RELN: variants seen among roughly 807,000 people sequenced by gnomAD.
RELN encodes the protein reelin.
A neutral mutation model predicts 427.6 loss-of-function variants in RELN; 108 were observed. The ratio of observed to expected loss-of-function variants is 0.25; its 90% CI spans 0.22 to 0.30. The LOEUF is 0.30. Ranked by LOEUF, RELN falls within the 10% of genes least tolerant of loss-of-function variation. The probability of loss-of-function intolerance (pLI) is 1.00; values close to 1 mark genes in which losing one functional copy is unlikely to be tolerated. For synonymous variants in RELN, 1,524 were observed against 1,513.4 expected (o/e 1.01, Z -0.16); for missense variants, 3,715 against 4,302.8 (o/e 0.86, Z 3.82).
chr7:103,663,860 C>A (rs1462136164), intron 11 of RELN, among the ~76,000 whole-genome samples: 2 of 152,190 alleles, frequency 1.3e-5, no homozygotes, highest in African/African-American at 4.8e-5. Flanking sequence ...AGGTTTAGAT[C>A]TCTTTTAAAG....
rs114917996 is a variant in RELN, at chr7:103,772,538, A to G, written c.544+4019T>C. On this transcript the variant is annotated intron_variant, in intron 4 of 64. Coordinates refer to ENST00000428762, the MANE Select transcript of RELN (RefSeq NM_005045.4). ...TTAATGTGCCTTGAGAATTCTGTAG[A>G]GAGAGTTATGTATGAGGGTTGTCTA... Among the ~76,000 whole-genome samples the G allele has an allele frequency of 7.5e-3, 1,145 of 152,286 alleles. 12 individuals carry two copies. The highest frequency in any genetic ancestry group is 0.025 in the African/African-American group (1,058 of 41,556).
At chr7:103,561,465 T>G in intron 36 of RELN, 67 bp downstream of exon 36, 1 of 1,175,248 alleles carries the variant, frequency 8.5e-7, no homozygotes. Context: ...CCATTTGTGT[T>G]GAGCAGTGAC....
intron 11 of RELN, among the ~76,000 whole-genome samples, chr7:103,676,302 C>G (rs548612566): frequency 3.9e-4 from 59 of 152,210 alleles, no homozygotes; most frequent in Non-Finnish European, 7.2e-4. Flanking sequence ...CTCATCATCA[C>G]TGGCCATCAG....
chr7:103,559,197 A>T (rs537207054), intron 36 of RELN, among the ~76,000 whole-genome samples: 1 of 152,352 alleles, frequency 6.6e-6, no homozygotes, highest in South Asian at 2.1e-4. Flanking sequence ...TGGTGATGGT[A>T]GGATTTGAAC....
chr7:103,741,577 A>G (rs1379996619), intron 6 of RELN, among the ~76,000 whole-genome samples: 1 of 151,856 alleles, frequency 6.6e-6, no homozygotes, highest in East Asian at 1.9e-4. Flanking sequence ...AGAAGGAAGA[A>G]AAGGAGGGTG....
rs188584289 is a variant in RELN at position 103,620,249 on chromosome 7, G to A, written c.2703-8446C>T. ...GCCTTTTGCCTTCTGCCATGATTGT[G>A]AGGCCTCCTCAGTCACGTGGAACTG... On this transcript the variant is annotated intron_variant, in intron 20 of 64. Transcript: ENST00000428762. This position sits in a 1 kb window ranked among gnomAD's most constrained non-coding sequence, Gnocchi z 4.1. 2.6e-5 allele frequency among the ~76,000 whole-genome samples: 4 copies of A among 152,240 alleles called. No individual in the cohort carries two copies. Among genetic ancestry groups the A allele is most frequent in the Admixed American group, 2.0e-4 (3 of 15,298 alleles).
At chr7:103,526,464 T>G (rs1829824708) in intron 46 of RELN, among the ~76,000 whole-genome samples, 1 of 152,168 alleles carries the variant, frequency 6.6e-6, no homozygotes, top group African/African-American at 2.4e-5. Flanking sequence ...GGGAGTTAAA[T>G]GAGATGATTT....
intron 16 of RELN, among the ~76,000 whole-genome samples, chr7:103,647,536 G>GA (rs34084589): frequency 0.41 from 59,646 of 143,914 alleles, 12,237 homozygotes; most frequent in South Asian, 0.55. Context: ...AAACACTGAT[G>GA]AAAAAAAAAA....
chr7:103,864,276 T>C (rs1794140811), intron 2 of RELN, among the ~76,000 whole-genome samples: 1 of 152,164 alleles, frequency 6.6e-6, no homozygotes, highest in Non-Finnish European at 1.5e-5. Flanking sequence ...AGTTAATAAC[T>C]GTTTTTTTTA....
intron 27 of RELN, 45 bp downstream of exon 27, chr7:103,593,637 T>G: frequency 6.6e-7 from 1 of 1,513,058 alleles, no homozygotes; most frequent in Non-Finnish European, 9.2e-7. Flanking sequence ...CTGGAAGATA[T>G]TTTACTCCTT....
rs961895163 is a variant in RELN at position 103,566,385 on chromosome 7, T to C, written c.4775A>G (p.Asp1592Gly). The C allele has an allele frequency of 6.2e-7, 1 of 1,614,082 alleles. No homozygotes were observed. The highest frequency in any genetic ancestry group is 1.7e-5 in the Admixed American group (1 of 60,010). Residue 1592 changes from aspartate (D) to glycine (G), a missense_variant, in exon 33 of 65, where the codon GAT (aspartate) becomes GGT (glycine). Coordinates refer to ENST00000428762, the MANE Select transcript of RELN (RefSeq NM_005045.4). ...GTCATTCATTCCTATAAGAACATCATCCAAAGCCCACTGGGCTGAATGCTT... is the reference window on the plus strand; with the variant it reads ...GTCATTCATTCCTATAAGAACATCACCCAAAGCCCACTGGGCTGAATGCTT... Reference protein sequence around the residue: ...HGKHSAQWALDDVLIGMNDSS... With the variant: ...HGKHSAQWALGDVLIGMNDSS...
chr7:103,647,769 A>G (rs1832826766), intron 16 of RELN, among the ~76,000 whole-genome samples: 1 of 152,118 alleles, frequency 6.6e-6, no homozygotes, highest in Non-Finnish European at 1.5e-5. Context: ...AAAAGAACAA[A>G]GCTGGAGGCA....
Position 103,604,452 on chromosome 7 carries a change from T to C in RELN, c.3040A>G (p.Ser1014Gly), listed in dbSNP as rs779851248. The C allele has an allele frequency of 1.2e-6, 2 of 1,613,810 alleles. No homozygotes were observed. The highest frequency in any genetic ancestry group is 1.7e-6 in the Non-Finnish European group (2 of 1,179,876). The stretch of plus-strand genomic sequence containing the variant: ...CACTCGTCTTGAGCTGTGTAATAGC[T>C]CTGGCTCCAGCGGAAACGGGTAGCA... ...SSATRFRWSQSYYTAQDEWAL... is the reference protein window; with the variant it reads ...SSATRFRWSQGYYTAQDEWAL... Residue 1014 changes from serine to glycine, a missense_variant, in exon 23 of 65, where the codon AGC (serine) becomes GGC (glycine). Transcript: ENST00000428762.
intron 22 of RELN, among the ~76,000 whole-genome samples, chr7:103,608,782 A>G (rs888934527): frequency 8.5e-5 from 13 of 152,228 alleles, no homozygotes; most frequent in African/African-American, 3.1e-4. Flanking sequence ...CTTTTGAGCT[A>G]GAAAATAATA....
chr7:103,735,285 T>C (rs188805597), intron 6 of RELN, among the ~76,000 whole-genome samples: 2,308 of 152,320 alleles, frequency 0.015, 29 homozygotes, highest in Admixed American at 0.029. Flanking sequence ...CTGTTTTTTT[T>C]CATGGGACAA....
At chr7:103,695,091 T>C (rs1228470938) in intron 10 of RELN, among the ~76,000 whole-genome samples, 2 of 152,136 alleles carry the variant, frequency 1.3e-5, no homozygotes, top group Non-Finnish European at 2.9e-5. Context: ...CTTTCTAATT[T>C]GCTGTATTTA....
chr7:103,845,908 A>C (rs1183299196), intron 2 of RELN, among the ~76,000 whole-genome samples: 2 of 112,706 alleles, frequency 1.8e-5, no homozygotes, highest in African/African-American at 7.4e-5. Flanking sequence ...ACGCTCATGG[A>C]TAGAAAGAAT....
chr7:103,533,417 G>A (rs2535757), intron 46 of RELN, among the ~76,000 whole-genome samples: 26,038 of 152,130 alleles, frequency 0.17, 3,210 homozygotes, highest in African/African-American at 0.34. Flanking sequence ...TAGATGTAGT[G>A]TAGATATGTT....
In RELN at chr7:103,979,666, G is replaced by A. The variant is rs565817619; in HGVS notation, c.226+9465C>T. Among the ~76,000 whole-genome samples, 73 of 152,280 alleles carry A rather than the reference G, an allele frequency of 4.8e-4. 1 individual carries two copies. Among genetic ancestry groups the A allele is most frequent in the African/African-American group, 1.7e-3 (69 of 41,552 alleles). ...TCAGTGGTCACCAAGGACTTCTACCGTGTGCCACATCATTCAGTTTCACAG... is the reference window on the plus strand; with the variant it reads ...TCAGTGGTCACCAAGGACTTCTACCATGTGCCACATCATTCAGTTTCACAG... On this transcript the variant is annotated intron_variant, in intron 1 of 64. Transcript: ENST00000428762.
Sources: allele counts gnomAD v4.1 joint callset (sites outside exome capture counted in the v4.1 genomes callset), GRCh38; gene constraint gnomAD v4.1.1; non-coding constraint Gnocchi (gnomAD v3.1); transcripts MANE v1.5; gene names NCBI Gene and HGNC (gene_info 2026-07-23, HGNC 2026-07-21).